Variants in TTC6 observed in about 807,000 individuals in gnomAD.
TTC6 encodes tetratricopeptide repeat protein 6.
A neutral mutation model predicts 210.4 loss-of-function variants in TTC6; 172 were observed. The ratio of observed to expected loss-of-function variants is 0.82; its 90% CI spans 0.72 to 0.93. The LOEUF is 0.93. Ranked by LOEUF, TTC6 falls within the 40% of genes least tolerant of loss-of-function variation. The probability of loss-of-function intolerance (pLI) is 0.00; values close to 1 mark genes in which losing one functional copy is unlikely to be tolerated. For synonymous variants in TTC6, 804 were observed against 819.6 expected, an observed-to-expected ratio of 0.98 and a Z score of 0.32; for missense variants, 2,414 against 2,318.1, an observed-to-expected ratio of 1.04 and a Z score of -0.85.
intron 14 of TTC6, among the ~76,000 whole-genome samples, chr14:37,762,750 T>C (rs1478357338): frequency 1.1e-4 from 17 of 152,216 alleles, no homozygotes; most frequent in Non-Finnish European, 2.5e-4. Context: ...TATTTTTGCT[T>C]TTGTTTTCAT....
At position 37,811,130 on chromosome 14, in the gene TTC6, C is replaced by T. The variant is rs765736706; in HGVS notation, c.4570-1184C>T. Reference sequence around the variant, plus strand: ...TGCTCCCATCCCTACCCCTTACCCTCGTTGACCTTTACGAAATCTTATTTC... The same window carrying T: ...TGCTCCCATCCCTACCCCTTACCCTTGTTGACCTTTACGAAATCTTATTTC... On this transcript the variant is annotated intron_variant, in intron 24 of 30. Transcript: ENST00000553443. Among the ~76,000 whole-genome samples the T allele has an allele frequency of 7.2e-5, 11 of 152,298 alleles. No homozygotes were observed. The South Asian group carries it at 1.7e-3, about 23-fold the overall frequency.
chr14:37,619,202 T>C (rs1214347331), upstream of TTC6, among the ~76,000 whole-genome samples: 1 of 152,182 alleles, frequency 6.6e-6, no homozygotes, highest in African/African-American at 2.4e-5. Context: ...GAACCCTTGG[T>C]ATGGATAGAA....
chr14:37,622,193 GC>G lies in TTC6; in HGVS notation c.131del (p.Pro44ArgfsTer3). On this transcript the variant is annotated frameshift_variant, in exon 1 of 31. Coordinates refer to ENST00000553443, the Ensembl canonical transcript of TTC6. LOFTEE classifies it high-confidence loss of function. ...GATTCAAGCAGAAGTTGGCCTCCAA[GC>G]CGGCTGTAGATGAAAGCCCAGTCCA... 1.3e-6 allele frequency: 2 copies of G among 1,535,576 alleles called. No individual in the cohort carries two copies. The highest frequency in any genetic ancestry group is 1.7e-6 in the Non-Finnish European group (2 of 1,146,702).
intron 25 of TTC6, among the ~76,000 whole-genome samples, chr14:37,813,051 T>A (rs2096133233): frequency 6.6e-6 from 1 of 152,270 alleles, no homozygotes; most frequent in Admixed American, 6.5e-5. Flanking sequence ...AAACAGAAGG[T>A]AAAAATTAAA....
chr14:37,799,015 A>G (rs1294463806), intron 20 of TTC6, among the ~76,000 whole-genome samples: 1 of 152,080 alleles, frequency 6.6e-6, no homozygotes, highest in Non-Finnish European at 1.5e-5. Flanking sequence ...TATATTTATG[A>G]GTGAGATTGG....
At chr14:37,833,060 A>AAT (rs1199728535) in intron 29 of TTC6, among the ~76,000 whole-genome samples, 2 of 151,458 alleles carry the variant, frequency 1.3e-5, no homozygotes, top group Non-Finnish European at 2.9e-5. Flanking sequence ...CCATCAAAAA[A>AAT]AAAAAAAAAA....
intron 14 of TTC6, among the ~76,000 whole-genome samples, chr14:37,779,538 A>G (rs911452002): frequency 8.5e-5 from 13 of 152,338 alleles, no homozygotes; most frequent in Admixed American, 6.5e-4. Context: ...GCATTTGACT[A>G]CTTTTTAAAA....
intron 1 of TTC6, among the ~76,000 whole-genome samples, chr14:37,668,133 TA>T (rs541177612): frequency 2.8e-3 from 404 of 142,078 alleles, no homozygotes; most frequent in Middle Eastern, 3.6e-3. Context: ...AGACTTCATC[TA>T]AAAAAAAAAA....
chr14:37,739,138 T>C, exon 10 of TTC6: 9 of 1,505,700 alleles, frequency 6.0e-6, no homozygotes, highest in Non-Finnish European at 7.9e-6. Flanking sequence ...TATCCAAGCC[T>C]CCAAAATCTC....
intron 14 of TTC6, among the ~76,000 whole-genome samples, chr14:37,783,676 T>C (rs1171844709): frequency 6.6e-6 from 1 of 152,174 alleles, no homozygotes; most frequent in African/African-American, 2.4e-5. Context: ...CTGCTAGCTT[T>C]TGAATGTGTT....
intron 1 of TTC6, among the ~76,000 whole-genome samples, chr14:37,603,914 T>C (rs979535164): frequency 3.3e-5 from 5 of 152,184 alleles, no homozygotes; most frequent in Admixed American, 6.5e-5. Flanking sequence ...GCCTCAGTTT[T>C]CCCAACTGTA....
chr14:37,809,011 C>T (rs755798088), intron 24 of TTC6, among the ~76,000 whole-genome samples, 165 bp downstream of exon 26: 1 of 152,072 alleles, frequency 6.6e-6, no homozygotes, highest in African/African-American at 2.4e-5. Context: ...ACTTCTGCTA[C>T]AATTTTCAAA....
At chr14:37,619,456 T>C (rs2139286524), upstream of TTC6, among the ~76,000 whole-genome samples, 1 of 152,286 alleles carries the variant, frequency 6.6e-6, no homozygotes, top group South Asian at 2.1e-4. Flanking sequence ...AGATAAGTGA[T>C]AAAAATGCAA....
chr14:37,700,577 T>A (rs1391884383), intron 4 of TTC6, among the ~76,000 whole-genome samples: 1 of 151,688 alleles, frequency 6.6e-6, no homozygotes, highest in East Asian at 2.0e-4. Context: ...ACCCCATCTC[T>A]ACTAAAACCA....
intron 5 of TTC6, among the ~76,000 whole-genome samples, chr14:37,709,286 G>A (rs903947807): frequency 6.6e-6 from 1 of 152,028 alleles, no homozygotes; most frequent in Admixed American, 6.6e-5. Context: ...CCTAGCCTAA[G>A]CCTCTCATAT....
intron 25 of TTC6, among the ~76,000 whole-genome samples, chr14:37,815,997 A>T (rs1202913344): frequency 1.3e-5 from 2 of 151,850 alleles, no homozygotes; most frequent in Admixed American, 6.6e-5. Flanking sequence ...TCCAAAATTA[A>T]TGGGAATGTT....
At chr14:37,703,492 A>G (rs1461664164) in intron 5 of TTC6, among the ~76,000 whole-genome samples, 1 of 152,170 alleles carries the variant, frequency 6.6e-6, no homozygotes, top group East Asian at 1.9e-4. Flanking sequence ...AGAAATGTAT[A>G]ATTTTTTTCT....
chr14:37,618,449 A>G (rs1314648121), upstream of TTC6, among the ~76,000 whole-genome samples: 1 of 152,228 alleles, frequency 6.6e-6, no homozygotes, highest in East Asian at 1.9e-4. Context: ...TGAGCTGCCT[A>G]TTTGACACAT....
chr14:37,821,372 C>G (rs1051901574), intron 26 of TTC6, among the ~76,000 whole-genome samples: 1 of 152,042 alleles, frequency 6.6e-6, no homozygotes, highest in African/African-American at 2.4e-5. Flanking sequence ...CCCGGCCTGA[C>G]TTTTACTTCT....
Sources: allele counts gnomAD v4.1 joint callset (sites outside exome capture counted in the v4.1 genomes callset), GRCh38; gene constraint gnomAD v4.1.1; transcripts MANE v1.5; gene names NCBI Gene and HGNC (gene_info 2026-07-23, HGNC 2026-07-21).